Variants in CLASP1 observed in about 807,000 individuals in gnomAD.
CLASP1 encodes the protein CLIP-associating protein 1.
A neutral mutation model predicts 192.3 loss-of-function variants in CLASP1; 38 were observed. That is an observed-to-expected ratio of 0.20 (90% CI 0.15 to 0.26). The LOEUF (loss-of-function observed/expected upper bound fraction) is 0.26. Ranked by LOEUF, CLASP1 falls within the 10% of genes least tolerant of loss-of-function variation. The probability of loss-of-function intolerance (pLI) is 1.00; values close to 1 mark genes in which losing one functional copy is unlikely to be tolerated. For synonymous variants in CLASP1, 691 were observed against 712.8 expected (o/e 0.97, Z 0.49); for missense variants, 1,433 against 1,932.5 (o/e 0.74, Z 4.85).
At position 121,631,287 on chromosome 2, in the gene CLASP1, C is replaced by CT. The variant is rs769717647; in HGVS notation, c.-286+18084dup. ...ATGTTTCTACGCCATTTTAAAATTA[C>CT]TTTTTTTTTTTTTTTTTTTGAAATG... On this transcript the variant is annotated intron_variant, in intron 1 of 39. Transcript: ENST00000263710. Among the ~76,000 whole-genome samples, 833 of 127,566 alleles carry CT rather than the reference C, an allele frequency of 6.5e-3. 3 individuals carry two copies. The highest frequency in any genetic ancestry group is 0.016 in the Middle Eastern group (4 of 248). The allele number at this position is 127,566 out of a possible 152,430, so 83.7% of individuals were successfully genotyped here.
At chr2:121,436,748 T>C (rs2082376238) in intron 19 of CLASP1, among the ~76,000 whole-genome samples, 1 of 152,152 alleles carries the variant, frequency 6.6e-6, no homozygotes, top group Non-Finnish European at 1.5e-5. Flanking sequence ...TTCCCAACCA[T>C]CATCTCTTCA....
intron 8 of CLASP1, among the ~76,000 whole-genome samples, chr2:121,475,468 G>A (rs1418800164): frequency 1.3e-5 from 2 of 152,172 alleles, no homozygotes; most frequent in Non-Finnish European, 2.9e-5. Flanking sequence ...GGGCAAATAA[G>A]CTGTATCTGC....
chr2:121,530,193 G>A, intron 3 of CLASP1, 54 bp downstream of exon 3: 2 of 1,469,122 alleles, frequency 1.4e-6, no homozygotes, highest in South Asian at 1.2e-5. Flanking sequence ...GGAGGCCGAG[G>A]GAAGGCTGGG....
At chr2:121,634,939 T>C (rs2070521833) in intron 1 of CLASP1, among the ~76,000 whole-genome samples, 1 of 152,198 alleles carries the variant, frequency 6.6e-6, no homozygotes, top group South Asian at 2.1e-4. Context: ...AACTTCTCCA[T>C]AAAGAAGGAT....
intron 16 of CLASP1, among the ~76,000 whole-genome samples, 195 bp from the exon 17 acceptor site, chr2:121,449,315 T>G (rs1287723412): frequency 6.6e-6 from 1 of 152,206 alleles, no homozygotes; most frequent in Non-Finnish European, 1.5e-5. Flanking sequence ...TTTTAGACTA[T>G]GGGCAAGTCA....
At chr2:121,364,959 AT>A in intron 36 of CLASP1, 134 bp downstream of exon 37, 1 of 841,308 alleles carries the variant, frequency 1.2e-6, no homozygotes, top group Non-Finnish European at 1.9e-6. Flanking sequence ...TATGTGAAAA[AT>A]GAACAAATAA....
chr2:121,406,943 C>T (rs1005077623), intron 25 of CLASP1, among the ~76,000 whole-genome samples: 6 of 151,068 alleles, frequency 4.0e-5, no homozygotes, highest in African/African-American at 1.2e-4. Context: ...ATGGGCTGGG[C>T]GCGGTGGCTC....
chr2:121,612,521 G>C (rs557439982), intron 1 of CLASP1, among the ~76,000 whole-genome samples: 15 of 151,966 alleles, frequency 9.9e-5, no homozygotes, highest in Admixed American at 4.6e-4. Flanking sequence ...AGTTGAGGGA[G>C]TTGGAAGAGA....
chr2:121,535,544 A>G (rs2095040793), intron 2 of CLASP1, among the ~76,000 whole-genome samples: 2 of 152,238 alleles, frequency 1.3e-5, no homozygotes, highest in East Asian at 1.9e-4. Flanking sequence ...TGGAATATTC[A>G]AAAGAATAGG....
At chr2:121,439,142 T>C (rs2082820368) in intron 19 of CLASP1, among the ~76,000 whole-genome samples, 1 of 151,994 alleles carries the variant, frequency 6.6e-6, no homozygotes, top group Admixed American at 6.5e-5. Flanking sequence ...TATTCTCTGA[T>C]GGTAGTTTGT....
At chr2:121,471,953 C>T (rs1344906804) in intron 8 of CLASP1, among the ~76,000 whole-genome samples, 2 of 152,226 alleles carry the variant, frequency 1.3e-5, no homozygotes, top group African/African-American at 4.8e-5. Context: ...AAGTCACCCA[C>T]TGAGTACTGC....
At chr2:121,370,175 T>C (rs557434617) in intron 34 of CLASP1, among the ~76,000 whole-genome samples, 8 of 152,316 alleles carry the variant, frequency 5.3e-5, no homozygotes, top group South Asian at 2.1e-4. Flanking sequence ...TCTCCCTATA[T>C]TGGGTTTCCT....
chr2:121,606,259 C>A, intron 1 of CLASP1, 79 bp from the exon 2 acceptor site: 1 of 364,818 alleles, frequency 2.7e-6, no homozygotes, highest in Non-Finnish European at 4.9e-6. Context: ...AAATCAAAGA[C>A]AAAGCAATTC....
intron 8 of CLASP1, among the ~76,000 whole-genome samples, chr2:121,481,150 A>G (rs927310295): frequency 6.6e-6 from 1 of 152,252 alleles, no homozygotes; most frequent in Non-Finnish European, 1.5e-5. Flanking sequence ...AAGACAGGAA[A>G]ACCATAAGTA....
At chr2:121,432,366 G>A (rs1009252308) in intron 19 of CLASP1, among the ~76,000 whole-genome samples, 2 of 152,102 alleles carry the variant, frequency 1.3e-5, no homozygotes, top group African/African-American at 4.8e-5. Context: ...TGATCCACCC[G>A]CCCTGGCCTC....
chr2:121,600,378 T>C (rs1389712300), intron 2 of CLASP1, among the ~76,000 whole-genome samples: 1 of 152,234 alleles, frequency 6.6e-6, no homozygotes, highest in Non-Finnish European at 1.5e-5. Context: ...AATATCTGCA[T>C]TGTACAAACA....
chr2:121,527,354 G>A (rs2094598439), intron 5 of CLASP1, among the ~76,000 whole-genome samples: 2 of 152,102 alleles, frequency 1.3e-5, no homozygotes, highest in South Asian at 4.1e-4. Flanking sequence ...GCATTATGCT[G>A]AGTGAAAAAA....
intron 2 of CLASP1, among the ~76,000 whole-genome samples, chr2:121,572,210 C>T (rs1329885412): frequency 6.6e-5 from 10 of 152,112 alleles, no homozygotes; most frequent in African/African-American, 2.2e-4. Flanking sequence ...GGGTGGATCA[C>T]GAGATCAGGA....
rs754148812 is a variant in CLASP1, at chr2:121,530,958, A to G, written c.196-633T>C. ...AGTACTGCTAACGCCTGAACAACAC[A>G]CCCGCATCAACTAGAGCTTTTGCTT... On this transcript the variant is annotated intron_variant, in intron 2 of 39. Transcript: ENST00000263710. 1.3e-5 allele frequency: 9 copies of G among 700,230 alleles called. No individual in the cohort carries two copies. Among genetic ancestry groups the G allele is most frequent in the Admixed American group, 1.0e-4 (5 of 49,978 alleles). The allele number at this position is 700,230 out of a possible 1,614,324, so 43.4% of individuals were successfully genotyped here. A position where few individuals can be genotyped will look rare whatever the true frequency, so the allele number is the denominator to read the frequency against.
Sources: gnomAD v4.1 joint callset for allele counts (sites outside exome capture counted in the v4.1 genomes callset) on GRCh38, gnomAD v4.1.1 for gene constraint, MANE v1.5 for transcripts, NCBI Gene and HGNC (gene_info 2026-07-23, HGNC 2026-07-21) for gene names.